ADAM9: variants seen among roughly 807,000 people sequenced by gnomAD.
ADAM9 encodes the protein ADAM metallopeptidase domain 9, also known as disintegrin and metalloproteinase domain-containing protein 9.
In ADAM9, 54 loss-of-function variants were observed where a neutral mutation model predicts 108.1. That is an observed-to-expected ratio of 0.50 (90% CI 0.40 to 0.63). The LOEUF (loss-of-function observed/expected upper bound fraction) is 0.63, where lower values mean the gene tolerates loss of function less well. Ranked by LOEUF, ADAM9 falls within the 20% of genes least tolerant of loss-of-function variation. The probability of loss-of-function intolerance (pLI) is 0.00; values close to 1 mark genes in which losing one functional copy is unlikely to be tolerated. For synonymous variants in ADAM9, 316 were observed against 336.0 expected, an observed-to-expected ratio of 0.94 and a Z score of 0.65; for missense variants, 830 against 997.7, an observed-to-expected ratio of 0.83 and a Z score of 2.26.
intron 20 of ADAM9, among the ~76,000 whole-genome samples, chr8:39,095,004 G>C (rs1308034686): frequency 1.3e-5 from 2 of 152,038 alleles, no homozygotes; most frequent in East Asian, 1.9e-4. Flanking sequence ...TAGGTTATTT[G>C]AGATTTTTTA....
At chr8:39,045,657 A>G (rs1274156054) in intron 12 of ADAM9, among the ~76,000 whole-genome samples, 1 of 151,898 alleles carries the variant, frequency 6.6e-6, no homozygotes, top group African/African-American at 2.4e-5. Flanking sequence ...GGTATTGTGA[A>G]TAGTGCTGCA....
At chr8:39,024,672 G>A (rs928149699) in intron 9 of ADAM9, among the ~76,000 whole-genome samples, 23 of 152,106 alleles carry the variant, frequency 1.5e-4, no homozygotes, top group Non-Finnish European at 2.6e-4. Context: ...TTTATTGGGT[G>A]TATACCCCAG....
At chr8:39,002,163 A>G (rs1836015838) in intron 1 of ADAM9, among the ~76,000 whole-genome samples, 1 of 151,972 alleles carries the variant, frequency 6.6e-6, no homozygotes, top group South Asian at 2.1e-4. Context: ...TGGAAACAGA[A>G]TTATCTTATT....
At position 38,999,013 on chromosome 8, in the gene ADAM9, G is replaced by C. The variant is rs1175258439; in HGVS notation, c.97+1853G>C. Among the ~76,000 whole-genome samples the C allele has an allele frequency of 2.0e-5, 3 of 152,252 alleles. No homozygotes were observed. In the East Asian group the frequency reaches 5.8e-4, roughly 29 times the overall value. ...TGTTAAGAAAACGGGCAACACGGTG[G>C]AGGATAGAATCTAGGAGGGAGAGAC... is the stretch of plus-strand genomic sequence containing the variant. On this transcript the variant is annotated intron_variant, in intron 1 of 21. Transcript: ENST00000487273.
At chr8:39,020,417 G>C (rs570191884) in intron 7 of ADAM9, among the ~76,000 whole-genome samples, 5 of 152,212 alleles carry the variant, frequency 3.3e-5, no homozygotes, top group African/African-American at 1.2e-4. Flanking sequence ...GGAGGATCAT[G>C]ATTAGATCCC....
At chr8:39,101,165 A>G (rs1839683335) in intron 20 of ADAM9, among the ~76,000 whole-genome samples, 2 of 152,260 alleles carry the variant, frequency 1.3e-5, no homozygotes, top group South Asian at 4.1e-4. Context: ...TTAAAAAAAT[A>G]CCTTAAAAGA....
In ADAM9 at chr8:39,017,180, T is replaced by G. The variant is rs537205901; in HGVS notation, c.411-39T>G. On this transcript the variant is annotated intron_variant, in intron 5 of 21. Coordinates refer to ENST00000487273, the MANE Select transcript of ADAM9 (RefSeq NM_003816.3). ...GTTTTCTGATTCCTTGTGTATTTTCTTTTTCTTAAAATTTGTATACGTGTA... is the reference window on the plus strand; with the variant it reads ...GTTTTCTGATTCCTTGTGTATTTTCGTTTTCTTAAAATTTGTATACGTGTA... 327 of 1,610,458 alleles carry G rather than the reference T, an allele frequency of 2.0e-4. 3 individuals carry two copies. In the South Asian group the frequency reaches 3.4e-3, roughly 17 times the overall value.
intron 20 of ADAM9, among the ~76,000 whole-genome samples, chr8:39,093,742 A>G (rs183638398): frequency 6.6e-6 from 1 of 152,138 alleles, no homozygotes; most frequent in East Asian, 1.9e-4. Context: ...TACAGCCTTT[A>G]TTGTTCTGAG....
rs146697415 is a variant in ADAM9 at position 39,089,286 on chromosome 8, A to G, written c.2069-761A>G. ...AAAAAAAATTATCAACTCATAGTATAAAAAAATGTAAATTAAAATTCTATA... is the reference window on the plus strand; with the variant it reads ...AAAAAAAATTATCAACTCATAGTATGAAAAAATGTAAATTAAAATTCTATA... On this transcript the variant is annotated intron_variant, in intron 18 of 21. Transcript: ENST00000487273. Among the ~76,000 whole-genome samples the G allele has an allele frequency of 8.9e-3, 1,356 of 152,216 alleles. 8 individuals carry two copies. The highest frequency in any genetic ancestry group is 0.015 in the Non-Finnish European group (1,005 of 68,004).
intron 5 of ADAM9, among the ~76,000 whole-genome samples, chr8:39,016,741 A>G (rs1836542505): frequency 6.6e-6 from 1 of 152,244 alleles, no homozygotes; most frequent in African/African-American, 2.4e-5. Context: ...GATTATATTC[A>G]CTTAGGCACT....
In ADAM9 at chr8:39,008,070, G is replaced by T; in HGVS notation, c.195+87G>T. 2 of 944,754 alleles carry T rather than the reference G, an allele frequency of 2.1e-6. 1 individual carries two copies. The highest frequency in any genetic ancestry group is 2.7e-5 in the South Asian group (2 of 73,260). 58.5% of individuals were successfully genotyped at this position (944,754 alleles called of 1,614,324 possible). On this transcript the variant is annotated intron_variant, in intron 2 of 21. Transcript: ENST00000487273. Reference sequence around the variant, plus strand: ...AAGGTGTTATTTGTAGCAGTGATCAGTTCAGTGAGTTATTACTTGGCTGTT... The same window carrying T: ...AAGGTGTTATTTGTAGCAGTGATCATTTCAGTGAGTTATTACTTGGCTGTT...
At chr8:39,025,656 T>G in intron 9 of ADAM9, 147 bp from the exon 10 acceptor site, 1 of 682,560 alleles carries the variant, frequency 1.5e-6, no homozygotes. Context: ...GGCATAAGTA[T>G]ATTCTGATTT....
chr8:39,028,806 A>G (rs1837007381), intron 11 of ADAM9, among the ~76,000 whole-genome samples: 2 of 152,160 alleles, frequency 1.3e-5, no homozygotes, highest in East Asian at 1.9e-4. Context: ...TTAGAAGGCG[A>G]TAAGTGCTAT....
At chr8:39,036,285 A>C (rs1478897926) in intron 11 of ADAM9, among the ~76,000 whole-genome samples, 1 of 152,094 alleles carries the variant, frequency 6.6e-6, no homozygotes, top group African/African-American at 2.4e-5. Context: ...CCTCAATGTC[A>C]GCAAGCTTCC....
chr8:39,050,935 G>A (rs958617791), intron 12 of ADAM9, among the ~76,000 whole-genome samples: 1 of 148,604 alleles, frequency 6.7e-6, no homozygotes, highest in Admixed American at 6.8e-5. Flanking sequence ...ATTCTTTGTA[G>A]CCTTCAGGGG....
intron 1 of ADAM9, among the ~76,000 whole-genome samples, chr8:38,997,424 C>T (rs1226238433): frequency 1.3e-5 from 2 of 152,144 alleles, no homozygotes; most frequent in African/African-American, 4.8e-5. Context: ...CAGCGTCCCC[C>T]CATCCCTCGC....
intron 12 of ADAM9, among the ~76,000 whole-genome samples, chr8:39,051,518 TTATG>T (rs887126484): frequency 6.6e-6 from 1 of 152,196 alleles, no homozygotes; most frequent in Non-Finnish European, 1.5e-5. Context: ...AATTCTACCT[TTATG>T]TAACTATCTT....
At chr8:39,004,657 T>C (rs1248928730) in intron 1 of ADAM9, among the ~76,000 whole-genome samples, 3 of 152,202 alleles carry the variant, frequency 2.0e-5, no homozygotes, top group Non-Finnish European at 4.4e-5. Flanking sequence ...CAGCTGAGTA[T>C]ACTGATAGTT....
chr8:39,051,237 T>A (rs1389417575), intron 12 of ADAM9, among the ~76,000 whole-genome samples: 1 of 152,102 alleles, frequency 6.6e-6, no homozygotes, highest in African/African-American at 2.4e-5. Context: ...CCCAACTCTT[T>A]CTCTCCTCAG....
Sources: gnomAD v4.1 joint callset for allele counts (sites outside exome capture counted in the v4.1 genomes callset) on GRCh38, gnomAD v4.1.1 for gene constraint, MANE v1.5 for transcripts, NCBI Gene and HGNC (gene_info 2026-07-23, HGNC 2026-07-21) for gene names.